Variants in MAGI2 observed in about 807,000 individuals in gnomAD.
MAGI2 encodes the protein membrane-associated guanylate kinase, WW and PDZ domain-containing protein 2.
In MAGI2, 35 loss-of-function variants were observed where a neutral mutation model predicts 133.3. The observed-to-expected ratio is 0.26, with a 90% confidence interval of 0.20 to 0.35. The LOEUF (loss-of-function observed/expected upper bound fraction) is 0.35. MAGI2 is among the 10% of genes least tolerant of loss of function. The pLI, the probability that MAGI2 is intolerant of heterozygous loss-of-function variation, is 1.00. For synonymous variants in MAGI2, 729 were observed against 710.6 expected (o/e 1.03, Z -0.41); for missense variants, 1,636 against 1,863.4 (o/e 0.88, Z 2.25).
chr7:79,394,604 G>C (rs1375444053), intron 1 of MAGI2, among the ~76,000 whole-genome samples: 2 of 152,192 alleles, frequency 1.3e-5, no homozygotes, highest in Non-Finnish European at 2.9e-5. Context: ...GTTTCAAAGA[G>C]CTGACTAGAA....
chr7:78,556,148 G>A (rs1160116939), intron 3 of MAGI2, among the ~76,000 whole-genome samples: 1 of 152,064 alleles, frequency 6.6e-6, no homozygotes, highest in Non-Finnish European at 1.5e-5. Context: ...ATGCCTCACA[G>A]GAAGCCAGAG....
chr7:78,595,370 A>G (rs62468652), intron 3 of MAGI2, among the ~76,000 whole-genome samples: 19,964 of 152,162 alleles, frequency 0.13, 1,781 homozygotes, highest in Non-Finnish European at 0.2. Flanking sequence ...GGTTCAAGAA[A>G]TTGTACTGTT....
intron 14 of MAGI2, among the ~76,000 whole-genome samples, chr7:78,176,908 G>GACACACACACACAC (rs200781303): frequency 0.051 from 6,619 of 130,224 alleles, 254 homozygotes; most frequent in Non-Finnish European, 0.068. Context: ...ACCATATATA[G>GACACACACACACAC]ACACACACAC....
intron 3 of MAGI2, among the ~76,000 whole-genome samples, chr7:78,613,544 A>T (rs964721238): frequency 6.6e-6 from 1 of 152,254 alleles, no homozygotes; most frequent in African/African-American, 2.4e-5. Flanking sequence ...CTTGATTCTC[A>T]GAAGAAAGCA....
intron 1 of MAGI2, among the ~76,000 whole-genome samples, chr7:79,117,797 A>G (rs1819536465): frequency 6.6e-6 from 1 of 152,208 alleles, no homozygotes; most frequent in African/African-American, 2.4e-5. Context: ...TTCCTGGCAC[A>G]TTTAACAATA....
At chr7:78,998,320 T>C (rs185087885) in intron 2 of MAGI2, among the ~76,000 whole-genome samples, 413 of 152,198 alleles carry the variant, frequency 2.7e-3, no homozygotes, top group Admixed American at 3.4e-3. Flanking sequence ...ATTTGATGAG[T>C]TGAATAATGA....
In MAGI2 at chr7:78,569,883, G is replaced by A. The variant is rs114333365; in HGVS notation, c.539-48238C>T. Reference sequence around the variant, plus strand: ...TTAAAATCTTAAACTTTAATAAACGGTATTATCCAGTACGTAATCTTTTTG... The same window carrying A: ...TTAAAATCTTAAACTTTAATAAACGATATTATCCAGTACGTAATCTTTTTG... On this transcript the variant is annotated intron_variant, in intron 3 of 21. Transcript: ENST00000354212. 6.8e-3 allele frequency among the ~76,000 whole-genome samples: 1,027 copies of A among 152,096 alleles called. 10 individuals are homozygous for A. Among genetic ancestry groups the A allele is most frequent in the African/African-American group, 0.024 (985 of 41,516 alleles).
At chr7:79,321,873 A>G (rs558188948) in intron 1 of MAGI2, among the ~76,000 whole-genome samples, 1 of 152,172 alleles carries the variant, frequency 6.6e-6, no homozygotes, top group Non-Finnish European at 1.5e-5. Flanking sequence ...AGTGTGCCCA[A>G]TTATCAGTGG....
intron 2 of MAGI2, among the ~76,000 whole-genome samples, chr7:78,694,904 C>A (rs1022050107): frequency 6.6e-6 from 1 of 152,132 alleles, no homozygotes; most frequent in Admixed American, 6.5e-5. Flanking sequence ...TTCTGGTAAT[C>A]AGAATACTAG....
intron 1 of MAGI2, among the ~76,000 whole-genome samples, chr7:79,148,535 G>A (rs1822868412): frequency 6.6e-6 from 1 of 151,958 alleles, no homozygotes; most frequent in Non-Finnish European, 1.5e-5. Flanking sequence ...CTTCTTGTTT[G>A]GGTTTATTCC....
At chr7:78,104,474 G>A (rs1818486244) in intron 20 of MAGI2, among the ~76,000 whole-genome samples, 1 of 151,596 alleles carries the variant, frequency 6.6e-6, no homozygotes, top group South Asian at 2.1e-4. Context: ...CGCCCGCCTC[G>A]GCCTCCCAAA....
chr7:79,219,046 A>T (rs1489722491), intron 1 of MAGI2, among the ~76,000 whole-genome samples: 7 of 152,070 alleles, frequency 4.6e-5, no homozygotes, highest in Non-Finnish European at 2.9e-5. Context: ...TGCAACTAAG[A>T]ACATTACCAA....
intron 6 of MAGI2, among the ~76,000 whole-genome samples, chr7:78,381,661 C>T (rs1249922956): frequency 6.6e-6 from 1 of 152,126 alleles, no homozygotes; most frequent in African/African-American, 2.4e-5. Flanking sequence ...ATAGAGAGTT[C>T]ACAAAAAGTA....
At chr7:78,990,915 C>A (rs1805703181) in intron 2 of MAGI2, among the ~76,000 whole-genome samples, 1 of 150,428 alleles carries the variant, frequency 6.6e-6, no homozygotes, top group African/African-American at 2.5e-5. Context: ...TACACACACA[C>A]ACACACACAC....
chr7:79,004,396 G>A (rs1029645805), intron 2 of MAGI2, among the ~76,000 whole-genome samples: 2 of 152,170 alleles, frequency 1.3e-5, no homozygotes, highest in African/African-American at 4.8e-5. Context: ...ATATGTTGGA[G>A]CTAAAAAAGT....
chr7:78,725,612 C>G (rs1271922931), intron 2 of MAGI2, among the ~76,000 whole-genome samples: 2 of 152,206 alleles, frequency 1.3e-5, no homozygotes, highest in African/African-American at 2.4e-5. Context: ...TCCTGGCTAA[C>G]ACGGTGAAAC....
At chr7:78,274,088 C>T (rs1794830284) in intron 9 of MAGI2, among the ~76,000 whole-genome samples, 1 of 152,126 alleles carries the variant, frequency 6.6e-6, no homozygotes, top group African/African-American at 2.4e-5. Context: ...TACCTTTGGT[C>T]CTTGATGTTG....
At chr7:78,504,766 A>G (rs1359889766) in intron 4 of MAGI2, among the ~76,000 whole-genome samples, 1 of 152,144 alleles carries the variant, frequency 6.6e-6, no homozygotes, top group Non-Finnish European at 1.5e-5. Context: ...AAACCCTGGA[A>G]ATGATATAAA....
chr7:78,313,647 A>G (rs1798913449), intron 9 of MAGI2, among the ~76,000 whole-genome samples: 1 of 151,970 alleles, frequency 6.6e-6, no homozygotes, highest in Non-Finnish European at 1.5e-5. Context: ...AAAGTCAAGA[A>G]ATTTATGGAA....
Sources: allele counts gnomAD v4.1 joint callset (sites outside exome capture counted in the v4.1 genomes callset), GRCh38; gene constraint gnomAD v4.1.1; transcripts MANE v1.5; gene names NCBI Gene and HGNC (gene_info 2026-07-23, HGNC 2026-07-21).